EPHA8: variants seen among roughly 807,000 people sequenced by gnomAD.
The protein encoded by EPHA8 is ephrin type-A receptor 8.
Under a neutral mutation model 103.6 loss-of-function variants are expected in EPHA8, and 58 were observed. The observed-to-expected ratio is 0.56, with a 90% CI of 0.45 to 0.70. The LOEUF (loss-of-function observed/expected upper bound fraction) is 0.70, where lower values mean the gene tolerates loss of function less well. Ranked by LOEUF, EPHA8 falls within the 30% of genes least tolerant of loss-of-function variation. EPHA8 has a pLI of 0.00. For missense variants in EPHA8, 1,304 were observed against 1,395.2 expected (o/e 0.93, Z 1.04); for synonymous variants, 559 against 572.5 (o/e 0.98, Z 0.34).
intron 3 of EPHA8, among the ~76,000 whole-genome samples, chr1:22,584,232 G>A (rs1168508754): frequency 6.6e-6 from 1 of 152,086 alleles, no homozygotes; most frequent in South Asian, 2.1e-4. Context: ...TGAGCCTCCC[G>A]GGGGGCTTCT....
intron 1 of EPHA8, among the ~76,000 whole-genome samples, chr1:22,568,178 A>G (rs894735825): frequency 2.0e-5 from 3 of 152,060 alleles, no homozygotes; most frequent in African/African-American, 7.2e-5. Flanking sequence ...CCCTCATCCC[A>G]CCCTTAGGTA....
chr1:22,595,164 G>T, intron 7 of EPHA8, 66 bp from the exon 8 acceptor site: 1 of 1,387,356 alleles, frequency 7.2e-7, no homozygotes. Flanking sequence ...TCAGAGGTCT[G>T]CCAGACCCCT....
chr1:22,564,370 CAGGGGAGTTCCAGCTGG>C (rs1180760809), intron 1 of EPHA8, among the ~76,000 whole-genome samples: 2 of 143,160 alleles, frequency 1.4e-5, no homozygotes, highest in South Asian at 4.5e-4. Context: ...GAAGGGAGGG[CAGGGGAGTTCCAGCTGG>C]AGGAGAGGCA....
In EPHA8 at chr1:22,576,407, C is replaced by A. The variant is rs1408592467; in HGVS notation, c.350C>A (p.Thr117Asn). Residue 117 changes from threonine to asparagine, a missense_variant, in exon 3 of 17, where the codon ACC (threonine) becomes AAC (asparagine). Physicochemically the swap from Thr to Asn is moderately conservative, Grantham distance 65 (BLOSUM62 0). Coordinates refer to ENST00000166244, the MANE Select transcript of EPHA8 (RefSeq NM_020526.5). The surrounding 1 kb of genome is among the most constrained non-coding windows in gnomAD (Gnocchi z 4.8). ...DCNSMPGVLGTCKETFNLYYL... is the reference protein window; with the variant it reads ...DCNSMPGVLGNCKETFNLYYL... Reference sequence around the variant, plus strand: ...AACAGCATGCCTGGTGTGCTGGGCACCTGCAAGGAGACCTTCAACCTCTAC... The same window carrying A: ...AACAGCATGCCTGGTGTGCTGGGCAACTGCAAGGAGACCTTCAACCTCTAC... 7.4e-6 allele frequency: 12 copies of A among 1,613,924 alleles called. No homozygotes were observed. The highest frequency in any genetic ancestry group is 1.0e-5 in the Non-Finnish European group (12 of 1,180,040).
At position 22,601,967 on chromosome 1, in the gene EPHA8, C is replaced by T. The variant is rs945808933; in HGVS notation, c.*226C>T. The T allele has an allele frequency of 5.1e-6, 3 of 583,434 alleles. No homozygotes were observed. The African/African-American group carries it at 5.8e-5, about 11-fold the overall frequency. 36.1% of individuals were successfully genotyped at this position (583,434 alleles called of 1,614,324 possible). A position where few individuals can be genotyped will look rare whatever the true frequency, so the allele number is the denominator to read the frequency against. On this transcript the variant is annotated 3_prime_UTR_variant, in exon 17 of 17. Transcript: ENST00000166244. ...TGGTGAGGACACCTGTCCCCCAGGGCAGGCACCTTCTCTTTTCCAGAGCCT... is the reference window on the plus strand; with the variant it reads ...TGGTGAGGACACCTGTCCCCCAGGGTAGGCACCTTCTCTTTTCCAGAGCCT...
At chr1:22,595,407 G>T (rs1375447626) in intron 8 of EPHA8, 84 bp downstream of exon 8, 1 of 1,146,732 alleles carries the variant, frequency 8.7e-7, no homozygotes, top group Non-Finnish European at 1.3e-6. Flanking sequence ...CGAGCCGGTG[G>T]TCCCCGTGTG....
intron 1 of EPHA8, among the ~76,000 whole-genome samples, chr1:22,564,487 C>T (rs1640298487): frequency 6.6e-6 from 1 of 151,520 alleles, no homozygotes; most frequent in Admixed American, 6.6e-5. Flanking sequence ...CCCCGGAGAG[C>T]AAAGTCTTGT....
At chr1:22,595,570 G>A (rs1373338161) in intron 8 of EPHA8, among the ~76,000 whole-genome samples, 2 of 152,198 alleles carry the variant, frequency 1.3e-5, no homozygotes, top group African/African-American at 4.8e-5. Context: ...AAATGCCAGA[G>A]CTAGGACATG....
intron 5 of EPHA8, among the ~76,000 whole-genome samples, chr1:22,590,703 G>A (rs1425140964): frequency 1.3e-5 from 2 of 152,034 alleles, no homozygotes; most frequent in East Asian, 1.9e-4. Context: ...TTTCCTGTGT[G>A]CCCAGATCCA....
rs529881170 is a variant in EPHA8, at chr1:22,592,017, C to T, written c.1316-1309C>T. On this transcript the variant is annotated intron_variant, in intron 5 of 16. Coordinates refer to ENST00000166244, the MANE Select transcript of EPHA8 (RefSeq NM_020526.5). ...TCCTAGAGGGATGTCTTGGGCACTG[C>T]AGAGTTCCCGGCTCCTAGCCCCGTG... Among the ~76,000 whole-genome samples the T allele has an allele frequency of 7.9e-5, 12 of 152,302 alleles. No homozygotes were observed. The East Asian group carries it at 1.9e-3, about 25-fold the overall frequency.
At chr1:22,588,828 C>A (rs1641290037) in intron 4 of EPHA8, 43 bp from the exon 5 acceptor site, 1 of 1,534,814 alleles carries the variant, frequency 6.5e-7, no homozygotes, top group South Asian at 1.2e-5. Context: ...CAGGACAGCC[C>A]AAATAAATAA....
At chr1:22,600,159 AGGGAGGCAGGAAGGAAGG>A (rs1641676268) in intron 13 of EPHA8, among the ~76,000 whole-genome samples, 1 of 102,880 alleles carries the variant, frequency 9.7e-6, no homozygotes, top group African/African-American at 3.8e-5. Context: ...GGAGGGAAGG[AGGGAGGCAGGAAGGAAGG>A]AAAGAAGGAG....
Position 22,587,306 on chromosome 1 carries a change from T to G in EPHA8, c.979+671T>G, listed in dbSNP as rs74060299. On this transcript the variant is annotated intron_variant, in intron 4 of 16. Transcript: ENST00000166244. ...TATATTAAGGATTCTTAGGAGGAGG[T>G]GTGTGTGTGTGTACATCTGGGTACC... Among the ~76,000 whole-genome samples, 514 of 151,534 alleles carry G rather than the reference T, an allele frequency of 3.4e-3. 4 individuals are homozygous for G. Among genetic ancestry groups the G allele is most frequent in the African/African-American group, 0.012 (484 of 41,324 alleles).
chr1:22,568,193 G>A (rs887307484), intron 1 of EPHA8, among the ~76,000 whole-genome samples: 1 of 152,162 alleles, frequency 6.6e-6, no homozygotes, highest in Non-Finnish European at 1.5e-5. Context: ...TAGGTACTAT[G>A]AACCCATTTT....
At chr1:22,580,986 A>G (rs1341105564) in intron 3 of EPHA8, among the ~76,000 whole-genome samples, 5 of 152,182 alleles carry the variant, frequency 3.3e-5, no homozygotes, top group Admixed American at 6.5e-5. Flanking sequence ...CTTTGATGTA[A>G]TAATTATCCA....
chr1:22,595,373 C>T, intron 8 of EPHA8, 50 bp downstream of exon 8: 1 of 1,508,472 alleles, frequency 6.6e-7, no homozygotes, highest in Non-Finnish European at 9.1e-7. Context: ...AAGCACCGTA[C>T]CTCCTGCCTG....
intron 4 of EPHA8, 77 bp downstream of exon 4, chr1:22,586,712 C>T (rs1641220325): frequency 1.3e-6 from 2 of 1,556,576 alleles, no homozygotes; most frequent in South Asian, 2.4e-5. Context: ...CTCCAGGCCT[C>T]AGAGAGCCAG....
chr1:22,579,215 GTGTA>G (rs1557562791), intron 3 of EPHA8, among the ~76,000 whole-genome samples: 2 of 151,472 alleles, frequency 1.3e-5, no homozygotes, highest in African/African-American at 2.4e-5. Flanking sequence ...GTGCATGTGT[GTGTA>G]TGTATGCATG....
intron 3 of EPHA8, among the ~76,000 whole-genome samples, chr1:22,580,439 C>T (rs746839737): frequency 2.0e-5 from 3 of 152,216 alleles, no homozygotes; most frequent in East Asian, 1.9e-4. Context: ...ACGTCCAACT[C>T]GCTCTCTGGT....
Sources: gnomAD v4.1 joint callset for allele counts (sites outside exome capture counted in the v4.1 genomes callset) on GRCh38, gnomAD v4.1.1 for gene constraint, Gnocchi (gnomAD v3.1) non-coding constraint, MANE v1.5 for transcripts, NCBI Gene and HGNC (gene_info 2026-07-23, HGNC 2026-07-21) for gene names.